Variants in DDX11 observed in about 807,000 individuals in gnomAD.
DDX11 encodes DEAD/H-box helicase 11, also known as ATP-dependent DNA helicase DDX11.
A neutral mutation model predicts 125.2 loss-of-function variants in DDX11; 72 were observed. The ratio of observed to expected loss-of-function variants is 0.58; its 90% CI spans 0.48 to 0.70. The LOEUF (loss-of-function observed/expected upper bound fraction) is 0.70. Ranked by LOEUF, DDX11 falls within the 30% of genes least tolerant of loss-of-function variation. DDX11 has a pLI of 0.00. For missense variants in DDX11, 883 were observed against 1,165.0 expected, an observed-to-expected ratio of 0.76 and a Z score of 3.52; for synonymous variants, 347 against 452.6, an observed-to-expected ratio of 0.77 and a Z score of 2.96.
intron 6 of DDX11, 47 bp from the exon 7 acceptor site, chr12:31,088,997 G>A: frequency 6.8e-7 from 1 of 1,470,344 alleles, no homozygotes; most frequent in Non-Finnish European, 9.5e-7. Context: ...GAATGCTGTG[G>A]GATGTTTTGG....
At chr12:31,098,406 A>T (rs1231365235) in intron 18 of DDX11, among the ~76,000 whole-genome samples, 1 of 151,316 alleles carries the variant, frequency 6.6e-6, no homozygotes, top group African/African-American at 2.4e-5. Context: ...ATGTGCTGTC[A>T]CTGGAACTTG....
At chr12:31,096,832 G>C in intron 16 of DDX11, 27 bp from the exon 17 acceptor site, 2 of 1,614,186 alleles carry the variant, frequency 1.2e-6, no homozygotes, top group Admixed American at 1.7e-5. Context: ...CCAGAGGGAG[G>C]CCTCCTCCCC....
In DDX11 at chr12:31,091,805, C is replaced by T. The variant is rs563109212; in HGVS notation, c.1176C>T (p.Ile392=). 4.7e-5 allele frequency: 76 copies of T among 1,613,816 alleles called. No homozygotes were observed. The South Asian group carries it at 5.2e-4, about 11-fold the overall frequency. ...GIRLQDQVVI[I]DEAHNLIDTI... Reference sequence around the variant, plus strand: ...GGCTGCAGGACCAGGTGGTGATCATCGACGAGGCGCACAACCTGATCGACA... The same window carrying T: ...GGCTGCAGGACCAGGTGGTGATCATTGACGAGGCGCACAACCTGATCGACA... The change falls in exon 10 of 27, where the codon ATC becomes ATT. Residue 392 remains isoleucine, a synonymous_variant. Coordinates refer to ENST00000542838, the MANE Select transcript of DDX11 (RefSeq NM_030653.4).
intron 2 of DDX11, among the ~76,000 whole-genome samples, chr12:31,082,911 C>T (rs573020799): frequency 2.6e-5 from 4 of 152,196 alleles, no homozygotes; most frequent in Non-Finnish European, 5.9e-5. Flanking sequence ...ATCATCACAT[C>T]GCCTGCCTTC....
At chr12:31,098,824 C>T (rs1945795733) in intron 18 of DDX11, among the ~76,000 whole-genome samples, 2 of 152,162 alleles carry the variant, frequency 1.3e-5, no homozygotes, top group East Asian at 1.9e-4. Flanking sequence ...GAGCCCCTTC[C>T]TGCTAGCTCA....
rs752736558 is a variant in DDX11 at position 31,078,112 on chromosome 12, C to T, written c.-4-278C>T. 7.6e-5 allele frequency: 82 copies of T among 1,082,368 alleles called. 1 individual carries two copies. In the South Asian group the frequency reaches 8.4e-4, roughly 11 times the overall value. 67.0% of individuals were successfully genotyped at this position (1,082,368 alleles called of 1,614,324 possible). A position where few individuals can be genotyped will look rare whatever the true frequency, so the allele number is the denominator to read the frequency against. ...TTTTGTAGAGGCATTAGAAAGGTAT[C>T]GGAGCCACGGTGAAATGCAGGGGAG... On this transcript the variant is annotated intron_variant, in intron 1 of 26. Transcript: ENST00000542838.
chr12:31,096,544 G>A, intron 15 of DDX11, 93 bp from the exon 16 acceptor site: 1 of 1,587,970 alleles, frequency 6.3e-7, no homozygotes, highest in South Asian at 1.1e-5. Context: ...TGTGCTGCAG[G>A]TGTCTTGGGC....
chr12:31,103,813 C>A lies in DDX11; in HGVS notation c.2698C>A (p.Arg900=). 2 of 1,613,840 alleles carry A rather than the reference C, an allele frequency of 1.2e-6. No individual in the cohort carries two copies. Among genetic ancestry groups the A allele is most frequent in the Non-Finnish European group, 1.7e-6 (2 of 1,179,848 alleles). ...PAIAAVQKFH[R]EKSASS is the part of the protein sequence containing the mutation. ...CTGCCTTCTGTCTGCCCAGTTTCACCGGGAGAAGTCGGCCTCTTCCTGATG... is the reference window on the plus strand; with the variant it reads ...CTGCCTTCTGTCTGCCCAGTTTCACAGGGAGAAGTCGGCCTCTTCCTGATG... The change falls in exon 27 of 27, where the codon CGG becomes AGG. Residue 900 remains arginine (R), a synonymous_variant. Transcript: ENST00000542838.
At chr12:31,074,506 C>G (rs1438067770) in intron 1 of DDX11, among the ~76,000 whole-genome samples, 2 of 152,170 alleles carry the variant, frequency 1.3e-5, no homozygotes, top group African/African-American at 4.8e-5. Context: ...GGGTACAGTA[C>G]GGAGGCCAGG....
intron 19 of DDX11, 97 bp downstream of exon 19, chr12:31,100,804 G>A (rs1231522478): frequency 4.3e-5 from 60 of 1,388,710 alleles, no homozygotes; most frequent in South Asian, 1.9e-4. Context: ...GCACAGGGGC[G>A]GAGGAGACCC....
intron 12 of DDX11, 114 bp downstream of exon 12, chr12:31,093,438 G>C: frequency 2.1e-6 from 3 of 1,403,096 alleles, no homozygotes; most frequent in East Asian, 5.0e-5. Context: ...AGGGTCGGCC[G>C]GGTGCGGTGG....
chr12:31,096,018 C>CT (rs10587699), intron 14 of DDX11, among the ~76,000 whole-genome samples: 178 of 150,208 alleles, frequency 1.2e-3, no homozygotes, highest in Middle Eastern at 6.9e-3. Context: ...ATAGAAGTTC[C>CT]TTTTTTTTTT....
chr12:31,079,778 G>A (rs1182687647), intron 2 of DDX11, among the ~76,000 whole-genome samples: 3 of 152,272 alleles, frequency 2.0e-5, no homozygotes, highest in South Asian at 2.1e-4. Flanking sequence ...GATTACTGGT[G>A]CACACCACCA....
chr12:31,101,288 AG>A, intron 20 of DDX11, 158 bp downstream of exon 20: 1 of 679,302 alleles, frequency 1.5e-6, no homozygotes. Context: ...GCGTCGATCT[AG>A]ATGCTTATGG....
Position 31,085,081 on chromosome 12 carries a change from T to G in DDX11, c.593T>G (p.Val198Gly), listed in dbSNP as rs1942838530. The G allele has an allele frequency of 6.3e-7, 1 of 1,596,272 alleles. No individual in the cohort carries two copies. Among genetic ancestry groups the G allele is most frequent in the Non-Finnish European group, 8.5e-7 (1 of 1,170,936 alleles). Residue 198 changes from valine to glycine, a missense_variant, in exon 5 of 27, where the codon GTC becomes GGC. Physicochemically the swap from Val to Gly is moderately radical, Grantham distance 109 (BLOSUM62 -3). This residue lies in a region of DDX11 where 283 missense variants were observed against 359.6 expected (regional missense o/e 0.79). Transcript: ENST00000542838. ...EQLESGEEEL[V>G]LAEYESDEEK... is the part of the protein sequence containing the mutation. ...CTGGAGTCTGGGGAGGAGGAGCTGG[T>G]CCTCGCCGAATACGAGAGTGATGAG...
intron 25 of DDX11, 43 bp from the exon 26 acceptor site, chr12:31,103,534 G>A (rs778462071): frequency 2.5e-6 from 4 of 1,613,590 alleles, no homozygotes; most frequent in Admixed American, 1.7e-5. Context: ...CTGTAGGGGG[G>A]AGGCAGGTGT....
At chr12:31,083,406 C>T (rs1942418446) in intron 2 of DDX11, among the ~76,000 whole-genome samples, 1 of 152,076 alleles carries the variant, frequency 6.6e-6, no homozygotes, top group Non-Finnish European at 1.5e-5. Context: ...GAAGGCCGCG[C>T]GGTCACTCTG....
At position 31,081,129 on chromosome 12, in the gene DDX11, C is replaced by A. The variant is rs1028815108; in HGVS notation, c.144+2592C>A. ...TCTTCTGCACTCCAGGCTTCTGCGT[C>A]TTCTTCCTCTGCTCAGCCTTTAATT... On this transcript the variant is annotated intron_variant, in intron 2 of 26. Coordinates refer to ENST00000542838, the MANE Select transcript of DDX11 (RefSeq NM_030653.4). Among the ~76,000 whole-genome samples the A allele has an allele frequency of 8.8e-4, 134 of 152,326 alleles. 1 individual carries two copies. Among genetic ancestry groups the A allele is most frequent in the African/African-American group, 3.1e-3 (130 of 41,576 alleles).
intron 1 of DDX11, among the ~76,000 whole-genome samples, chr12:31,076,151 C>G (rs902838323): frequency 2.0e-5 from 3 of 152,054 alleles, no homozygotes; most frequent in African/African-American, 7.2e-5. Flanking sequence ...GGATTCAGAA[C>G]GAGGAGACAT....
Sources: allele counts gnomAD v4.1 joint callset (sites outside exome capture counted in the v4.1 genomes callset), GRCh38; gene constraint gnomAD v4.1.1; regional missense constraint gnomAD v4.1.1; transcripts MANE v1.5; gene names NCBI Gene and HGNC (gene_info 2026-07-23, HGNC 2026-07-21).